Variants in SIPA1L3 observed in about 807,000 individuals in gnomAD.
SIPA1L3 encodes the protein signal induced proliferation associated 1 like 3.
SIPA1L3 carries 59 observed loss-of-function variants against 150.1 expected under a neutral mutation model. That is an observed-to-expected ratio of 0.39 (90% CI 0.32 to 0.49). The LOEUF (loss-of-function observed/expected upper bound fraction) is 0.49. Among genes scored for constraint, SIPA1L3 ranks in the 20% least tolerant of loss-of-function variants. SIPA1L3 has a pLI of 0.86. For missense variants in SIPA1L3, 2,211 were observed against 2,489.5 expected (o/e 0.89, Z 2.38); for synonymous variants, 1,070 against 1,077.6 (o/e 0.99, Z 0.14).
chr19:38,141,495 C>T (rs934046566), intron 11 of SIPA1L3, 60 bp downstream of exon 11: 38 of 1,520,240 alleles, frequency 2.5e-5, no homozygotes, highest in Non-Finnish European at 3.1e-5. Context: ...ACCCATCCTC[C>T]GCCCCTCCCT....
chr19:38,188,765 T>TA (rs1481566964), intron 16 of SIPA1L3, among the ~76,000 whole-genome samples: 1 of 150,818 alleles, frequency 6.6e-6, no homozygotes, highest in Non-Finnish European at 1.5e-5. Flanking sequence ...TACTAAAAAT[T>TA]AAAAAAAATT....
intron 12 of SIPA1L3, among the ~76,000 whole-genome samples, chr19:38,144,604 C>A (rs1971666859): frequency 2.6e-5 from 4 of 152,350 alleles, no homozygotes; most frequent in African/African-American, 9.6e-5. Flanking sequence ...GATTCTAAGC[C>A]TCTTGTTCAA....
chr19:37,938,459 T>C (rs2046621237), intron 1 of SIPA1L3, among the ~76,000 whole-genome samples: 1 of 152,218 alleles, frequency 6.6e-6, no homozygotes, highest in Admixed American at 6.5e-5. Context: ...CATTTGGTTT[T>C]GTAAAACTTT....
intron 1 of SIPA1L3, among the ~76,000 whole-genome samples, chr19:38,027,360 A>G (rs1164262341): frequency 6.6e-6 from 1 of 152,114 alleles, no homozygotes; most frequent in African/African-American, 2.4e-5. Flanking sequence ...CTGGCATGAG[A>G]AAGGTTAAGA....
At chr19:37,919,784 C>T (rs1250752564) in intron 1 of SIPA1L3, among the ~76,000 whole-genome samples, 1 of 142,798 alleles carries the variant, frequency 7.0e-6, no homozygotes, top group Non-Finnish European at 1.5e-5. Flanking sequence ...GATCTCAGCT[C>T]ACCGCAACCT....
At chr19:37,979,407 A>G (rs1967148092) in intron 1 of SIPA1L3, among the ~76,000 whole-genome samples, 1 of 151,672 alleles carries the variant, frequency 6.6e-6, no homozygotes, top group Admixed American at 6.6e-5. Flanking sequence ...AAATACAAAA[A>G]TTAGCTGGGC....
intron 20 of SIPA1L3, 61 bp downstream of exon 20, chr19:38,202,058 G>T: frequency 6.6e-7 from 1 of 1,512,510 alleles, no homozygotes; most frequent in South Asian, 1.3e-5. Flanking sequence ...AGTGGAAGAG[G>T]CTTACCCAGA....
intron 16 of SIPA1L3, among the ~76,000 whole-genome samples, chr19:38,191,866 T>A (rs1247935376): frequency 6.6e-6 from 1 of 152,114 alleles, no homozygotes; most frequent in East Asian, 1.9e-4. Context: ...TGTGCATGTG[T>A]TCAGCGTGGG....
In SIPA1L3 at chr19:38,082,853, T is replaced by G; in HGVS notation, c.1288T>G (p.Phe430Val). 1 of 1,613,656 alleles carries G rather than the reference T, an allele frequency of 6.2e-7. No individual in the cohort carries two copies. The highest frequency in any genetic ancestry group is 8.5e-7 in the Non-Finnish European group (1 of 1,179,904). ...SNDLLLSCPH[F>V]RNEIGGECER... ...CGACCTGCTGCTCAGCTGCCCGCAC[T>G]TCCGCAATGAGATCGGGGGCGAGTG... Residue 430 changes from phenylalanine to valine, a missense_variant, in exon 3 of 22, where the codon TTC (phenylalanine) becomes GTC (valine). By Grantham distance (50) the Phe-to-Val change is conservative. Around this residue, in one of 5 missense-constraint regions of SIPA1L3, gnomAD observed 587 missense variants for 534.5 expected, o/e 1.10. Transcript: ENST00000222345.
chr19:38,082,652 T>A lies in SIPA1L3; in HGVS notation c.1087T>A (p.Ser363Thr). The A allele has an allele frequency of 6.2e-7, 1 of 1,606,676 alleles. No individual in the cohort carries two copies. Among genetic ancestry groups the A allele is most frequent in the Non-Finnish European group, 8.5e-7 (1 of 1,179,668 alleles). The change falls in exon 3 of 22, where the codon TCG (serine) becomes ACG (threonine). Residue 363 changes from serine (S) to threonine (T), a missense_variant. By Grantham distance (58) the Ser-to-Thr change is moderately conservative. This residue lies in a region of SIPA1L3 where 587 missense variants were observed against 534.5 expected (regional missense o/e 1.10). Coordinates refer to ENST00000222345, the MANE Select transcript of SIPA1L3 (RefSeq NM_015073.3). The stretch of plus-strand genomic sequence containing the variant: ...GGCGGCCGCCAACAGGGTGTCGGTG[T>A]CGCAGCGGCGGAACACCACCACGGG... ...NEAAANRVSV[S>T]QRRNTTTGAS...
chr19:37,938,624 C>CTTTTTTTTT (rs759856556), intron 1 of SIPA1L3, among the ~76,000 whole-genome samples: 1 of 131,264 alleles, frequency 7.6e-6, no homozygotes, highest in Non-Finnish European at 1.6e-5. Context: ...TTTCTTTTTT[C>CTTTTTTTTT]TTTTTTTTTT....
chr19:38,125,466 T>C (rs1015352645), intron 9 of SIPA1L3, among the ~76,000 whole-genome samples: 8 of 152,160 alleles, frequency 5.3e-5, no homozygotes, highest in Non-Finnish European at 1.0e-4. Context: ...ACTGTGCCAC[T>C]CTGTCCCACA....
intron 9 of SIPA1L3, among the ~76,000 whole-genome samples, chr19:38,123,132 C>G (rs1456190015): frequency 6.6e-6 from 1 of 152,148 alleles, no homozygotes; most frequent in East Asian, 1.9e-4. Context: ...TGCTCAGCAC[C>G]TTGGGTGGTC....
At chr19:38,093,514 G>A (rs1385008631) in intron 4 of SIPA1L3, among the ~76,000 whole-genome samples, 1 of 152,204 alleles carries the variant, frequency 6.6e-6, no homozygotes, top group African/African-American at 2.4e-5. Context: ...TTGACTGGAA[G>A]TGATTATGAT....
intron 1 of SIPA1L3, among the ~76,000 whole-genome samples, chr19:37,947,585 A>T (rs2046724335): frequency 6.6e-6 from 1 of 151,662 alleles, no homozygotes; most frequent in African/African-American, 2.4e-5. Context: ...CTAATATGAA[A>T]CTCAAACTTA....
At chr19:37,941,085 C>T (rs1436381030) in intron 1 of SIPA1L3, among the ~76,000 whole-genome samples, 2 of 127,940 alleles carry the variant, frequency 1.6e-5, no homozygotes, top group Non-Finnish European at 3.3e-5. Flanking sequence ...CACACACACA[C>T]ATACACACAC....
chr19:38,037,294 C>T (rs911967974), intron 2 of SIPA1L3, among the ~76,000 whole-genome samples: 9 of 152,134 alleles, frequency 5.9e-5, no homozygotes, highest in South Asian at 2.1e-4. Flanking sequence ...TAAGGACTGA[C>T]GTTTGGGAGG....
intron 15 of SIPA1L3, among the ~76,000 whole-genome samples, chr19:38,180,747 G>A (rs1355148631): frequency 6.6e-6 from 1 of 151,876 alleles, no homozygotes; most frequent in Non-Finnish European, 1.5e-5. Context: ...GTTTCTCCAT[G>A]TTGGTCAGGC....
intron 12 of SIPA1L3, among the ~76,000 whole-genome samples, chr19:38,146,833 A>C (rs1173210244): frequency 6.6e-6 from 1 of 152,150 alleles, no homozygotes; most frequent in African/African-American, 2.4e-5. Flanking sequence ...ACACCTTTTC[A>C]TGTCTTATTT....
Sources: gnomAD v4.1 joint callset for allele counts (sites outside exome capture counted in the v4.1 genomes callset) on GRCh38, gnomAD v4.1.1 for gene constraint, gnomAD v4.1.1 regional missense constraint, MANE v1.5 for transcripts, NCBI Gene and HGNC (gene_info 2026-07-23, HGNC 2026-07-21) for gene names.